The following DCDC2 variants were observed in gnomAD, a reference collection of about 807,000 sequenced individuals.
DCDC2 encodes the protein doublecortin domain-containing protein 2.
DCDC2 carries 40 observed loss-of-function variants against 50.2 expected under a neutral mutation model. The ratio of observed to expected loss-of-function variants is 0.80; its 90% CI spans 0.62 to 1.04. DCDC2 has a LOEUF of 1.04. DCDC2 is among the 50% of genes least tolerant of loss of function. The pLI is 0.00. For missense variants in DCDC2, 570 were observed against 581.9 expected (o/e 0.98, Z 0.21); for synonymous variants, 234 against 210.6 (o/e 1.11, Z -0.96).
chr6:24,186,158 A>T (rs974958835), intron 8 of DCDC2, among the ~76,000 whole-genome samples: 2 of 152,248 alleles, frequency 1.3e-5, no homozygotes, highest in Non-Finnish European at 2.9e-5. Context: ...AAGACATACT[A>T]AACAAGGATA....
chr6:24,311,126 C>G (rs1759563712), intron 2 of DCDC2, among the ~76,000 whole-genome samples: 1 of 152,170 alleles, frequency 6.6e-6, no homozygotes, highest in African/African-American at 2.4e-5. Flanking sequence ...ATGATGTCCT[C>G]GTGTCTTGGA....
intron 2 of DCDC2, among the ~76,000 whole-genome samples, chr6:24,328,087 G>A (rs1276134631): frequency 6.6e-6 from 1 of 152,276 alleles, no homozygotes; most frequent in African/African-American, 2.4e-5. Context: ...TTCTGTGTCC[G>A]AGATATCTAA....
At chr6:24,253,627 C>T (rs1454625212) in intron 7 of DCDC2, among the ~76,000 whole-genome samples, 2 of 152,174 alleles carry the variant, frequency 1.3e-5, no homozygotes, top group Admixed American at 6.6e-5. Context: ...ATACTGAGTA[C>T]TGTAGGCAAC....
At position 24,173,146 on chromosome 6, in the gene DCDC2, T is replaced by C. The variant is rs1335469819; in HGVS notation, c.*1584A>G. 1 of 152,012 alleles carries C rather than the reference T, an allele frequency of 6.6e-6. No individual in the cohort carries two copies. The highest frequency in any genetic ancestry group is 2.4e-5 in the African/African-American group (1 of 41,420). The allele number at this position is 152,012 out of a possible 1,614,324, so 9.4% of individuals were successfully genotyped here. A position where few individuals can be genotyped will look rare whatever the true frequency, so the allele number is the denominator to read the frequency against. ...CAATTTAGATTTTACACCAGAAACA[T>C]AGTACCCTGTTTCTAATTCATGCTC... On this transcript the variant is annotated 3_prime_UTR_variant, in exon 10 of 10. Coordinates refer to ENST00000378454, the MANE Select transcript of DCDC2 (RefSeq NM_016356.5).
Position 24,301,774 on chromosome 6 carries a change from C to G in DCDC2, c.498G>C (p.Trp166Cys). 2 of 1,614,104 alleles carry G rather than the reference C, an allele frequency of 1.2e-6. No individual in the cohort carries two copies. Among genetic ancestry groups the G allele is most frequent in the Non-Finnish European group, 1.7e-6 (2 of 1,180,020 alleles). The change falls in exon 4 of 10, where the codon TGG becomes TGC. Residue 166 changes from tryptophan to cysteine, a missense_variant. Coordinates refer to ENST00000378454, the MANE Select transcript of DCDC2 (RefSeq NM_016356.5). ...CTGTGACCATTTGTAGTACATGATC[C>G]CACTGATTCAAGGTTTTTCTGGGGA... Reference protein sequence around the residue: ...LLIPRKTLNQWDHVLQMVTEK... With the variant: ...LLIPRKTLNQCDHVLQMVTEK...
rs1759890108 is a variant in DCDC2, at chr6:24,327,453, C to CGTATTTAT, written c.349-25410_349-25409insATAAATAC. On this transcript the variant is annotated intron_variant, in intron 2 of 9. Transcript: ENST00000378454. ...ACTTTTAGTCAATCAACATTATAAA[C>CGTATTTAT]TTATTTATTTATTTATTTATTTATT... Among the ~76,000 whole-genome samples the CGTATTTAT allele has an allele frequency of 1.5e-5, 2 of 136,612 alleles. 1 individual carries two copies. The highest frequency in any genetic ancestry group is 1.5e-4 in the Admixed American group (2 of 13,636). The allele number at this position is 136,612 out of a possible 152,430, so 89.6% of individuals were successfully genotyped here.
At chr6:24,236,043 A>G (rs1354012184) in intron 7 of DCDC2, among the ~76,000 whole-genome samples, 1 of 152,192 alleles carries the variant, frequency 6.6e-6, no homozygotes, top group Non-Finnish European at 1.5e-5. Context: ...TTTAGACTCA[A>G]TGCCATTTCT....
At chr6:24,285,583 AATC>A (rs761388492) in intron 6 of DCDC2, among the ~76,000 whole-genome samples, 5 of 152,188 alleles carry the variant, frequency 3.3e-5, no homozygotes, top group Admixed American at 6.5e-5. Flanking sequence ...TGGAAAATTC[AATC>A]ATCAGATGAA....
chr6:24,325,188 C>T (rs796713545), intron 2 of DCDC2, among the ~76,000 whole-genome samples: 3 of 150,318 alleles, frequency 2.0e-5, no homozygotes, highest in African/African-American at 4.8e-5. Context: ...TGAGAGAGCA[C>T]GATATCTACT....
Position 24,219,392 on chromosome 6 carries a change from C to A in DCDC2, c.923-14290G>T, listed in dbSNP as rs542071353. On this transcript the variant is annotated intron_variant, in intron 7 of 9. Transcript: ENST00000378454. ...GAACTACTAGAACCTGCATTTTACA[C>A]GAGAAACGGAGATATTTTCAAGTTC... 2.0e-5 allele frequency among the ~76,000 whole-genome samples: 3 copies of A among 152,126 alleles called. No individual in the cohort carries two copies. The East Asian group carries it at 5.8e-4, about 29-fold the overall frequency.
chr6:24,307,492 T>C (rs547326104), intron 2 of DCDC2, among the ~76,000 whole-genome samples: 1 of 152,332 alleles, frequency 6.6e-6, no homozygotes, highest in South Asian at 2.1e-4. Flanking sequence ...TTCAACTCTA[T>C]TTTCTTTATC....
At chr6:24,233,952 T>C (rs1264602061) in intron 7 of DCDC2, among the ~76,000 whole-genome samples, 3 of 152,194 alleles carry the variant, frequency 2.0e-5, no homozygotes, top group Non-Finnish European at 1.5e-5. Context: ...CCAGCTTAAA[T>C]GCAAATTATA....
intron 2 of DCDC2, among the ~76,000 whole-genome samples, chr6:24,344,177 T>A (rs1249975267): frequency 6.6e-6 from 1 of 152,128 alleles, no homozygotes; most frequent in Non-Finnish European, 1.5e-5. Flanking sequence ...TGAGTTTGAC[T>A]TTTTAGATTC....
rs11754435 is a variant in DCDC2 at position 24,178,770 on chromosome 6, C to T, written c.1024-138G>A. 709,417 of 820,482 alleles carry T rather than the reference C, an allele frequency of 0.86. 307,592 individuals carry two copies. The highest frequency in any genetic ancestry group is 0.98 in the East Asian group (37,358 of 38,178). The allele number at this position is 820,482 out of a possible 1,614,324, so 50.8% of individuals were successfully genotyped here. A position where few individuals can be genotyped will look rare whatever the true frequency, so the allele number is the denominator to read the frequency against. ...TTGCATAGTACTTTACAGTATAGAA[C>T]GCACTTACGTTTACTGAGTACCTAC... On this transcript the variant is annotated intron_variant, in intron 8 of 9. Transcript: ENST00000378454.
chr6:24,296,275 T>C (rs1302460933), intron 4 of DCDC2, among the ~76,000 whole-genome samples: 1 of 152,186 alleles, frequency 6.6e-6, no homozygotes, highest in African/African-American at 2.4e-5. Flanking sequence ...GCTAGCCAGA[T>C]ACAGATGACT....
chr6:24,316,158 G>T (rs1759656248), intron 2 of DCDC2, among the ~76,000 whole-genome samples: 1 of 152,150 alleles, frequency 6.6e-6, no homozygotes, highest in Admixed American at 6.6e-5. Flanking sequence ...AGATAGAGGT[G>T]CCATTCATGC....
intron 7 of DCDC2, among the ~76,000 whole-genome samples, chr6:24,267,546 A>T (rs1763150279): frequency 6.6e-6 from 1 of 152,190 alleles, no homozygotes; most frequent in South Asian, 2.1e-4. Flanking sequence ...GGTCTCAAAA[A>T]ATAATGACCA....
chr6:24,241,074 C>T (rs1230267730), intron 7 of DCDC2, among the ~76,000 whole-genome samples: 3 of 152,190 alleles, frequency 2.0e-5, no homozygotes, highest in African/African-American at 7.2e-5. Flanking sequence ...CAGTAGAATA[C>T]AGGCGGAAGT....
intron 2 of DCDC2, among the ~76,000 whole-genome samples, chr6:24,320,317 T>C (rs1394265203): frequency 6.7e-6 from 1 of 148,812 alleles, no homozygotes; most frequent in East Asian, 1.9e-4. Context: ...TTTTTGGTTT[T>C]TGTTTGTTTG....
Sources: gnomAD v4.1 joint callset for allele counts (sites outside exome capture counted in the v4.1 genomes callset) on GRCh38, gnomAD v4.1.1 for gene constraint, MANE v1.5 for transcripts, NCBI Gene and HGNC (gene_info 2026-07-23, HGNC 2026-07-21) for gene names.